Variants in NRXN3 observed in about 807,000 individuals in gnomAD.
NRXN3 encodes the protein neurexin 3.
A neutral mutation model predicts 137.6 loss-of-function variants in NRXN3; 32 were observed. The observed-to-expected ratio is 0.23, with a 90% confidence interval of 0.18 to 0.31. The LOEUF (loss-of-function observed/expected upper bound fraction) is 0.31. Among genes scored for constraint, NRXN3 ranks in the 10% least tolerant of loss-of-function variants. The pLI is 1.00. For synonymous variants in NRXN3, 798 were observed against 784.5 expected (o/e 1.02, Z -0.29); for missense variants, 1,574 against 2,062.5 (o/e 0.76, Z 4.59).
intron 4 of NRXN3, among the ~76,000 whole-genome samples, chr14:78,631,464 G>T (rs972544910): frequency 6.6e-6 from 1 of 152,076 alleles, no homozygotes; most frequent in Non-Finnish European, 1.5e-5. Context: ...ATAACTCGTG[G>T]ATTAAAAAAA....
At chr14:79,491,600 C>CAAAAAAAAA (rs140445434) in intron 16 of NRXN3, among the ~76,000 whole-genome samples, 37 of 150,222 alleles carry the variant, frequency 2.5e-4, no homozygotes, top group African/African-American at 8.7e-4. Context: ...TTTTTCGTCT[C>CAAAAAAAAA]AAAAAAAAGC....
intron 15 of NRXN3, among the ~76,000 whole-genome samples, chr14:78,996,783 T>C (rs922697187): frequency 8.5e-5 from 13 of 152,068 alleles, no homozygotes; most frequent in Non-Finnish European, 1.5e-4. Flanking sequence ...GCGAGACAGA[T>C]GCAAAAGAAA....
intron 15 of NRXN3, among the ~76,000 whole-genome samples, chr14:79,293,176 T>G (rs2083473422): frequency 6.6e-6 from 1 of 150,644 alleles, no homozygotes; most frequent in African/African-American, 2.4e-5. Flanking sequence ...TTAAGAACTC[T>G]CTTTCAGAAA....
intron 20 of NRXN3, among the ~76,000 whole-genome samples, chr14:79,845,622 CGGGG>C (rs2099365946): frequency 8.9e-6 from 1 of 112,790 alleles, no homozygotes; most frequent in African/African-American, 4.1e-5. Flanking sequence ...GAGACGGAGA[CGGGG>C]AGAGAGACGG....
chr14:79,502,538 C>CCTCTCCCTCTCCCTCTTCCTCT (rs1567310457), intron 16 of NRXN3, among the ~76,000 whole-genome samples: 1 of 151,746 alleles, frequency 6.6e-6, no homozygotes, highest in African/African-American at 2.4e-5. Context: ...CCTCCTCCCG[C>CCTCTCCCTCTCCCTCTTCCTCT]CTCTCCCTCT....
At chr14:79,756,853 G>A (rs572992942) in intron 19 of NRXN3, among the ~76,000 whole-genome samples, 5 of 152,280 alleles carry the variant, frequency 3.3e-5, no homozygotes, top group African/African-American at 4.8e-5. Flanking sequence ...CTGGGAACCC[G>A]AAAGTTCAGC....
chr14:79,239,603 T>C (rs2153337248), intron 15 of NRXN3, among the ~76,000 whole-genome samples: 1 of 152,172 alleles, frequency 6.6e-6, no homozygotes, highest in East Asian at 1.9e-4. Context: ...AGATTCCTCA[T>C]AAAACTAAAA....
intron 4 of NRXN3, among the ~76,000 whole-genome samples, chr14:78,306,613 T>C (rs2077394608): frequency 6.6e-6 from 1 of 152,176 alleles, no homozygotes; most frequent in African/African-American, 2.4e-5. Flanking sequence ...GCAGTGTATA[T>C]CTGAGTATAG....
At chr14:78,841,005 T>C (rs1430018842) in intron 10 of NRXN3, among the ~76,000 whole-genome samples, 2 of 152,180 alleles carry the variant, frequency 1.3e-5, no homozygotes, top group Non-Finnish European at 2.9e-5. Context: ...ATTTTCCACA[T>C]GATGAAATTA....
At chr14:79,004,811 A>G (rs2099548973) in intron 15 of NRXN3, among the ~76,000 whole-genome samples, 1 of 152,120 alleles carries the variant, frequency 6.6e-6, no homozygotes, top group Admixed American at 6.5e-5. Flanking sequence ...CCTTGATTCT[A>G]CAATCATTCT....
chr14:78,747,699 C>T (rs2098617346), intron 8 of NRXN3, among the ~76,000 whole-genome samples: 1 of 152,178 alleles, frequency 6.6e-6, no homozygotes. Context: ...TTGCTTGCTA[C>T]ATGATAACTG....
chr14:79,007,387 G>A (rs1474151999), intron 15 of NRXN3, among the ~76,000 whole-genome samples: 2 of 151,346 alleles, frequency 1.3e-5, no homozygotes, highest in African/African-American at 4.9e-5. Context: ...AGCCTCATGT[G>A]TAGTGATGTT....
intron 16 of NRXN3, among the ~76,000 whole-genome samples, chr14:79,653,496 C>T (rs756702511): frequency 6.6e-6 from 1 of 152,150 alleles, no homozygotes; most frequent in Non-Finnish European, 1.5e-5. Context: ...TTTGCTCCAT[C>T]TCCTCCATTA....
chr14:78,807,346 G>A (rs1344991273), intron 9 of NRXN3, among the ~76,000 whole-genome samples: 1 of 152,130 alleles, frequency 6.6e-6, no homozygotes, highest in Non-Finnish European at 1.5e-5. Flanking sequence ...ATGTGGACTT[G>A]CTATTACTGT....
intron 11 of NRXN3, among the ~76,000 whole-genome samples, chr14:78,965,602 A>T (rs561934442): frequency 6.6e-6 from 1 of 152,246 alleles, no homozygotes; most frequent in South Asian, 2.1e-4. Context: ...TCCCACGAGT[A>T]CTAAGTGGAG....
intron 1 of NRXN3, among the ~76,000 whole-genome samples, chr14:78,223,429 T>C (rs2064090536): frequency 6.6e-6 from 1 of 152,248 alleles, no homozygotes; most frequent in Non-Finnish European, 1.5e-5. Flanking sequence ...TCTTGTTGAA[T>C]TTCTTTTGAA....
At chr14:79,377,717 C>T (rs1390396969) in intron 15 of NRXN3, among the ~76,000 whole-genome samples, 1 of 152,180 alleles carries the variant, frequency 6.6e-6, no homozygotes, top group Non-Finnish European at 1.5e-5. Flanking sequence ...GATAGTGCCA[C>T]CGCACTCCAG....
intron 15 of NRXN3, among the ~76,000 whole-genome samples, chr14:79,221,663 G>C (rs2069715455): frequency 6.6e-6 from 1 of 152,116 alleles, no homozygotes; most frequent in Non-Finnish European, 1.5e-5. Flanking sequence ...CCCTTTATCA[G>C]ATGGATAGAT....
At chr14:79,137,613 T>C (rs2058377381) in intron 15 of NRXN3, among the ~76,000 whole-genome samples, 1 of 152,232 alleles carries the variant, frequency 6.6e-6, no homozygotes, top group African/African-American at 2.4e-5. Flanking sequence ...TACAGTTTTA[T>C]AGTAGTGCCT....
Sources: allele counts gnomAD v4.1 joint callset (sites outside exome capture counted in the v4.1 genomes callset), GRCh38; gene constraint gnomAD v4.1.1; transcripts MANE v1.5; gene names NCBI Gene and HGNC (gene_info 2026-07-23, HGNC 2026-07-21).